Variants in NDST3 observed in about 807,000 individuals in gnomAD.
NDST3 encodes the protein bifunctional heparan sulfate N-deacetylase/N-sulfotransferase 3.
NDST3 carries 58 observed loss-of-function variants against 96.1 expected under a neutral mutation model. The observed-to-expected ratio is 0.60, with a 90% CI of 0.49 to 0.75. The LOEUF (loss-of-function observed/expected upper bound fraction) is 0.75, where lower values mean the gene tolerates loss of function less well. Among genes scored for constraint, NDST3 ranks in the 30% least tolerant of loss-of-function variants. The pLI, the probability that NDST3 is intolerant of heterozygous loss-of-function variation, is 0.00. For synonymous variants in NDST3, 333 were observed against 359.7 expected (o/e 0.93, Z 0.84); for missense variants, 788 against 1,034.2 (o/e 0.76, Z 3.27).
At chr4:118,135,640 A>G (rs1560668945) in intron 4 of NDST3, among the ~76,000 whole-genome samples, 1 of 152,198 alleles carries the variant, frequency 6.6e-6, no homozygotes, top group Non-Finnish European at 1.5e-5. Flanking sequence ...GGTGAATGAG[A>G]GCATGAACAG....
At chr4:118,079,957 GT>G (rs1560628125) in intron 2 of NDST3, among the ~76,000 whole-genome samples, 78 of 152,276 alleles carry the variant, frequency 5.1e-4, no homozygotes, top group African/African-American at 1.8e-3. Flanking sequence ...CCTGACAGCA[GT>G]GTGTTCCTCC....
At position 118,257,177 on chromosome 4, in the gene NDST3, C is replaced by T. The variant is rs1041320739; in HGVS notation, c.*1465C>T. ...AGAGGGGGACAGAGTCTCACTATGT[C>T]ACCCAGGCTGGAGTGCAATGGTGTG... is the stretch of plus-strand genomic sequence containing the variant. On this transcript the variant is annotated 3_prime_UTR_variant, in exon 14 of 14. Coordinates refer to ENST00000296499, the MANE Select transcript of NDST3 (RefSeq NM_004784.3). 5.9e-5 allele frequency: 9 copies of T among 151,824 alleles called. No individual in the cohort carries two copies. Among genetic ancestry groups the T allele is most frequent in the African/African-American group, 1.9e-4 (8 of 41,310 alleles). The allele number at this position is 151,824 out of a possible 1,614,324, so 9.4% of individuals were successfully genotyped here. A position where few individuals can be genotyped will look rare whatever the true frequency, so the allele number is the denominator to read the frequency against.
chr4:118,248,219 C>G (rs568630520), intron 12 of NDST3, among the ~76,000 whole-genome samples: 4 of 152,108 alleles, frequency 2.6e-5, no homozygotes, highest in South Asian at 4.2e-4. Flanking sequence ...GGCGTGGTGG[C>G]GCACACCTGT....
At chr4:118,124,719 T>G (rs1731898426) in intron 4 of NDST3, among the ~76,000 whole-genome samples, 1 of 152,110 alleles carries the variant, frequency 6.6e-6, no homozygotes, top group Non-Finnish European at 1.5e-5. Context: ...GTATACTAAA[T>G]TAAACACCAT....
chr4:118,243,518 A>G (rs201525369), intron 12 of NDST3, among the ~76,000 whole-genome samples: 1 of 152,228 alleles, frequency 6.6e-6, no homozygotes, highest in Non-Finnish European at 1.5e-5. Flanking sequence ...AAGTACTAAC[A>G]CAGACACTGG....
intron 7 of NDST3, among the ~76,000 whole-genome samples, chr4:118,224,895 A>C (rs1232157780): frequency 6.6e-6 from 1 of 152,202 alleles, no homozygotes; most frequent in Non-Finnish European, 1.5e-5. Context: ...GGATTCGGAA[A>C]GTTCAGTGAC....
chr4:118,124,090 T>C (rs912373864), intron 4 of NDST3, among the ~76,000 whole-genome samples: 2 of 152,150 alleles, frequency 1.3e-5, no homozygotes, highest in Non-Finnish European at 2.9e-5. Flanking sequence ...TTTGCTTATG[T>C]TATTTCTACA....
chr4:118,044,265 TTA>T (rs1251797712), intron 1 of NDST3, among the ~76,000 whole-genome samples: 2 of 152,242 alleles, frequency 1.3e-5, no homozygotes. Flanking sequence ...CTCCAGAATA[TTA>T]TAGTCATAAG....
intron 1 of NDST3, among the ~76,000 whole-genome samples, chr4:118,052,666 A>G (rs767553345): frequency 1.3e-5 from 2 of 151,932 alleles, no homozygotes; most frequent in Non-Finnish European, 2.9e-5. Flanking sequence ...TCTGAGAAAA[A>G]ATATTGTTCA....
rs188412035 is a variant in NDST3, at chr4:118,104,980, T to C, written c.982-38T>C. 971 of 1,569,942 alleles carry C rather than the reference T, an allele frequency of 6.2e-4. 1 individual carries two copies. Among genetic ancestry groups the C allele is most frequent in the African/African-American group, 1.2e-3 (89 of 73,882 alleles). On this transcript the variant is annotated intron_variant, in intron 2 of 13. Transcript: ENST00000296499. ...ATCTTTTGGAAACTTTTTAATGCCA[T>C]TCTTTACCTGATACATTTTTTAAAT... is the stretch of plus-strand genomic sequence containing the variant.
intron 6 of NDST3, among the ~76,000 whole-genome samples, chr4:118,162,718 A>G (rs1735255639): frequency 1.4e-5 from 2 of 147,480 alleles, no homozygotes; most frequent in Non-Finnish European, 3.0e-5. Flanking sequence ...AAACACCAAA[A>G]GCAATGGCAA....
At chr4:118,252,169 C>G (rs1341341367) in intron 12 of NDST3, among the ~76,000 whole-genome samples, 1 of 152,116 alleles carries the variant, frequency 6.6e-6, no homozygotes, top group Non-Finnish European at 1.5e-5. Context: ...ATAACAAAAG[C>G]TATGTAAAGG....
At chr4:118,235,048 G>GGAAGGAAGGAAAGAAA (rs1553948153) in intron 9 of NDST3, among the ~76,000 whole-genome samples, 2 of 127,634 alleles carry the variant, frequency 1.6e-5, no homozygotes, top group Non-Finnish European at 3.6e-5. Context: ...GAAAAAAAAA[G>GGAAGGAAGGAAAGAAA]GAAGGAAGGA....
intron 6 of NDST3, among the ~76,000 whole-genome samples, chr4:118,178,150 T>C (rs1256011352): frequency 6.6e-6 from 1 of 152,126 alleles, no homozygotes; most frequent in East Asian, 1.9e-4. Flanking sequence ...AATTAGAATC[T>C]GGATGTGTTA....
At chr4:118,174,538 CAG>C (rs1736156784) in intron 6 of NDST3, among the ~76,000 whole-genome samples, 1 of 152,132 alleles carries the variant, frequency 6.6e-6, no homozygotes, top group Non-Finnish European at 1.5e-5. Flanking sequence ...GAGATCTCAA[CAG>C]TGCTGCCCAG....
intron 6 of NDST3, among the ~76,000 whole-genome samples, chr4:118,162,776 T>C (rs1028467031): frequency 2.0e-4 from 30 of 148,376 alleles, no homozygotes; most frequent in Non-Finnish European, 4.0e-4. Flanking sequence ...AAAGAGCTTC[T>C]GCACAGCAAA....
At chr4:118,191,906 T>A (rs963935516) in intron 6 of NDST3, among the ~76,000 whole-genome samples, 3 of 152,178 alleles carry the variant, frequency 2.0e-5, no homozygotes, top group African/African-American at 7.2e-5. Context: ...CCACCAATAA[T>A]GTATGAGGGT....
intron 12 of NDST3, among the ~76,000 whole-genome samples, chr4:118,246,128 G>GC (rs2126009926): frequency 6.6e-6 from 1 of 152,262 alleles, no homozygotes; most frequent in Non-Finnish European, 1.5e-5. Flanking sequence ...CCATTTCCAG[G>GC]TGCACTGGAT....
At chr4:118,098,988 T>A (rs1271531488) in intron 2 of NDST3, among the ~76,000 whole-genome samples, 1 of 152,088 alleles carries the variant, frequency 6.6e-6, no homozygotes, top group Non-Finnish European at 1.5e-5. Flanking sequence ...AAGGACCTTT[T>A]AAAGTTGGCA....
Sources: gnomAD v4.1 joint callset for allele counts (sites outside exome capture counted in the v4.1 genomes callset) on GRCh38, gnomAD v4.1.1 for gene constraint, MANE v1.5 for transcripts, NCBI Gene and HGNC (gene_info 2026-07-23, HGNC 2026-07-21) for gene names.